Variants in PAXBP1 observed in about 807,000 individuals in gnomAD.
The protein encoded by PAXBP1 is PAX3 and PAX7 binding protein 1, also known as PAX3- and PAX7-binding protein 1.
Under a neutral mutation model 119.9 loss-of-function variants are expected in PAXBP1, and 44 were observed. That is an observed-to-expected ratio of 0.37 (90% CI 0.29 to 0.47). The LOEUF is 0.47. Ranked by LOEUF, PAXBP1 falls within the 20% of genes least tolerant of loss-of-function variation. The probability of loss-of-function intolerance (pLI) is 0.99; values close to 1 mark genes in which losing one functional copy is unlikely to be tolerated. For synonymous variants in PAXBP1, 393 were observed against 406.6 expected, an observed-to-expected ratio of 0.97 and a Z score of 0.40; for missense variants, 898 against 1,134.1, an observed-to-expected ratio of 0.79 and a Z score of 2.99.
At chr21:32,739,703 G>A (rs1419561950) in intron 15 of PAXBP1, among the ~76,000 whole-genome samples, 1 of 151,624 alleles carries the variant, frequency 6.6e-6, no homozygotes, top group Non-Finnish European at 1.5e-5. Context: ...TCAGGAGATC[G>A]AGACCATCCT....
chr21:32,743,791 G>A lies in PAXBP1; in HGVS notation c.2191-37C>T, dbSNP rs772016036. ...AAAGTAGATCACACATTTTAATAAG[G>A]ACTATGACAAGAAAAATAAGCCATA... is the stretch of plus-strand genomic sequence containing the variant. On this transcript the variant is annotated intron_variant, in intron 13 of 17. Transcript: ENST00000331923. 8 of 1,146,090 alleles carry A rather than the reference G, an allele frequency of 7.0e-6. No homozygotes were observed. In the South Asian group the frequency reaches 1.1e-4, roughly 16 times the overall value. 71.0% of individuals were successfully genotyped at this position (1,146,090 alleles called of 1,614,324 possible).
intron 2 of PAXBP1, among the ~76,000 whole-genome samples, chr21:32,767,572 G>A (rs986553508): frequency 6.6e-6 from 1 of 152,162 alleles, no homozygotes; most frequent in African/African-American, 2.4e-5. Context: ...AGGGACCCAG[G>A]AGGAGGTAAC....
chr21:32,762,048 CAAA>C, intron 4 of PAXBP1, 45 bp downstream of exon 4: 2 of 1,600,230 alleles, frequency 1.2e-6, no homozygotes, highest in Non-Finnish European at 8.6e-7. Flanking sequence ...TTAAAACAAA[CAAA>C]AAAAGGCAAT....
Position 32,734,935 on chromosome 21 carries a change from T to C in PAXBP1, c.*15A>G. 1 of 1,588,086 alleles carries C rather than the reference T, an allele frequency of 6.3e-7. No individual in the cohort carries two copies. Among genetic ancestry groups the C allele is most frequent in the African/African-American group, 1.3e-5 (1 of 74,492 alleles). ...GAATGGTAATCAAGCAAATAGGTTT[T>C]TCAGTCTCATAGATCTATTTTCCTT... On this transcript the variant is annotated 3_prime_UTR_variant, in exon 18 of 18. Transcript: ENST00000331923.
In PAXBP1 at chr21:32,751,160, T is replaced by C. The variant is rs777445208; in HGVS notation, c.1566A>G (p.Gln522=). Residue 522 remains glutamine (Q), a synonymous_variant, in exon 9 of 18, where the codon CAA becomes CAG. Transcript: ENST00000331923. ...DSFGRDRALY[Q]EHAKRRIAER... Reference sequence around the variant, plus strand: ...CTGCAATGCGACGTTTTGCATGCTCTTGATACAGTGCCCGATCGCGTCCAA... The same window carrying C: ...CTGCAATGCGACGTTTTGCATGCTCCTGATACAGTGCCCGATCGCGTCCAA... 9 of 1,614,192 alleles carry C rather than the reference T, an allele frequency of 5.6e-6. No homozygotes were observed. The South Asian group carries it at 8.8e-5, about 16-fold the overall frequency.
At chr21:32,754,536 GAACT>G (rs2044012645) in intron 8 of PAXBP1, among the ~76,000 whole-genome samples, 1 of 152,178 alleles carries the variant, frequency 6.6e-6, no homozygotes, top group Non-Finnish European at 1.5e-5. Flanking sequence ...GACCTCCGCT[GAACT>G]ATTTAACAAG....
intron 15 of PAXBP1, among the ~76,000 whole-genome samples, chr21:32,739,755 A>T (rs2146467596): frequency 6.6e-6 from 1 of 151,202 alleles, no homozygotes; most frequent in Admixed American, 6.6e-5. Flanking sequence ...AAATACAAAA[A>T]AGTAGCCGGG....
chr21:32,743,794 T>A, intron 13 of PAXBP1, 40 bp from the exon 14 acceptor site: 1 of 1,130,756 alleles, frequency 8.8e-7, no homozygotes, highest in South Asian at 1.4e-5. Flanking sequence ...TAATAAGGAC[T>A]ATGACAAGAA....
chr21:32,759,324 T>C, intron 6 of PAXBP1, 55 bp from the exon 7 acceptor site: 1 of 1,494,606 alleles, frequency 6.7e-7, no homozygotes, highest in Non-Finnish European at 9.1e-7. Context: ...GTCTATGGTG[T>C]CAGGACTCTT....
intron 8 of PAXBP1, among the ~76,000 whole-genome samples, chr21:32,753,441 A>AAC (rs2043992260): frequency 1.3e-5 from 2 of 150,494 alleles, no homozygotes; most frequent in African/African-American, 5.0e-5. Flanking sequence ...AAAAAAAAAA[A>AAC]AAAAAACATT....
At chr21:32,761,710 G>A (rs1305804436) in intron 4 of PAXBP1, among the ~76,000 whole-genome samples, 3 of 151,388 alleles carry the variant, frequency 2.0e-5, no homozygotes, top group African/African-American at 7.4e-5. Context: ...ACTTTGGGAG[G>A]CTGAGGCATG....
intron 17 of PAXBP1, among the ~76,000 whole-genome samples, chr21:32,735,783 TTTTAACA>T (rs1188187887): frequency 1.3e-5 from 2 of 152,192 alleles, no homozygotes; most frequent in African/African-American, 2.4e-5. Context: ...AGAATGACTG[TTTTAACA>T]TTTAGCTTAA....
intron 8 of PAXBP1, chr21:32,751,653 C>T (rs1390196274): frequency 6.5e-6 from 1 of 153,886 alleles, no homozygotes; most frequent in Admixed American, 6.4e-5. Flanking sequence ...CATAAGAAAA[C>T]AGCTTTGTTG....
intron 7 of PAXBP1, among the ~76,000 whole-genome samples, chr21:32,758,658 A>C (rs980014577): frequency 2.0e-5 from 3 of 151,268 alleles, no homozygotes; most frequent in Admixed American, 6.6e-5. Flanking sequence ...AAAAAAAAAA[A>C]AAAAAAAACT....
At chr21:32,748,837 A>G (rs2043915175) in intron 10 of PAXBP1, 139 bp from the exon 11 acceptor site, 2 of 674,074 alleles carry the variant, frequency 3.0e-6, no homozygotes, top group Non-Finnish European at 4.7e-6. Flanking sequence ...GTTAGTCACA[A>G]TTTAGAAGAA....
intron 10 of PAXBP1, among the ~76,000 whole-genome samples, chr21:32,750,154 T>C (rs1284188928): frequency 6.6e-6 from 1 of 152,026 alleles, no homozygotes; most frequent in Non-Finnish European, 1.5e-5. Context: ...TACAGAAAAA[T>C]ATACTCATTT....
At chr21:32,736,703 C>T (rs2043698073) in intron 17 of PAXBP1, among the ~76,000 whole-genome samples, 1 of 152,068 alleles carries the variant, frequency 6.6e-6, no homozygotes, top group Admixed American at 6.5e-5. Flanking sequence ...TCAAACTGCC[C>T]TACTTAGTGT....
rs895693855 is a variant in PAXBP1, at chr21:32,734,675, G to A, written c.*275C>T. The A allele has an allele frequency of 4.6e-6, 2 of 434,980 alleles. No individual in the cohort carries two copies. Among genetic ancestry groups the A allele is most frequent in the South Asian group, 4.8e-5 (2 of 41,908 alleles). The allele number at this position is 434,980 out of a possible 1,614,324, so 26.9% of individuals were successfully genotyped here. A position where few individuals can be genotyped will look rare whatever the true frequency, so the allele number is the denominator to read the frequency against. ...TTACACTGCACACATCGTTTACAGG[G>A]GACAATTAACTGAGAGGGTTAATTT... is the stretch of plus-strand genomic sequence containing the variant. On this transcript the variant is annotated 3_prime_UTR_variant, in exon 18 of 18. Transcript: ENST00000331923.
At chr21:32,771,103 C>A (rs559587539) in intron 1 of PAXBP1, among the ~76,000 whole-genome samples, 2 of 152,220 alleles carry the variant, frequency 1.3e-5, no homozygotes, top group African/African-American at 4.8e-5. Flanking sequence ...GAGCTCCGGC[C>A]CCGTGGCAGA....
Sources: allele counts gnomAD v4.1 joint callset (sites outside exome capture counted in the v4.1 genomes callset), GRCh38; gene constraint gnomAD v4.1.1; transcripts MANE v1.5; gene names NCBI Gene and HGNC (gene_info 2026-07-23, HGNC 2026-07-21).